Variants in TOP2B observed in about 807,000 individuals in gnomAD.
TOP2B encodes DNA topoisomerase II beta, also known as DNA topoisomerase 2-beta.
TOP2B carries 51 observed loss-of-function variants against 193.5 expected under a neutral mutation model. That is an observed-to-expected ratio of 0.26 (90% confidence interval 0.21 to 0.33). The LOEUF (loss-of-function observed/expected upper bound fraction) is 0.33, where lower values mean the gene tolerates loss of function less well. TOP2B is among the 10% of genes least tolerant of loss of function. TOP2B has a pLI of 1.00. For missense variants in TOP2B, 1,378 were observed against 1,909.3 expected (o/e 0.72, Z 5.19); for synonymous variants, 634 against 635.7 (o/e 1.00, Z 0.04).
rs754406807 is a variant in TOP2B, at chr3:25,615,226, C to T, written c.3570G>A (p.Ala1190=). The T allele has an allele frequency of 1.2e-5, 20 of 1,611,916 alleles. No individual in the cohort carries two copies. Among genetic ancestry groups the T allele is most frequent in the Admixed American group, 1.7e-5 (1 of 59,822 alleles). ...CTACATCCAGTTCTTCAACAAATGCCGCTAAATCCTCTTTCCAAAGATCTG... is the reference window on the plus strand; with the variant it reads ...CTACATCCAGTTCTTCAACAAATGCTGCTAAATCCTCTTTCCAAAGATCTG... The part of the protein sequence containing the change: ...SPSDLWKEDL[A]AFVEELDKVE... The change falls in exon 27 of 36, where the codon GCG becomes GCA. Residue 1190 remains alanine, a synonymous_variant. Coordinates refer to ENST00000264331, the MANE Select transcript of TOP2B (RefSeq NM_001330700.2).
chr3:25,625,780 C>T (rs1009301744), intron 18 of TOP2B, among the ~76,000 whole-genome samples: 5 of 152,202 alleles, frequency 3.3e-5, no homozygotes, highest in South Asian at 2.1e-4. Context: ...TCATACTGGA[C>T]CCAGAGTATG....
intron 1 of TOP2B, among the ~76,000 whole-genome samples, chr3:25,662,585 G>T (rs1703948773): frequency 6.6e-6 from 1 of 152,070 alleles, no homozygotes; most frequent in Non-Finnish European, 1.5e-5. Context: ...AGTTTCAAAT[G>T]GATTTTTCTA....
chr3:25,638,325 A>ATT lies in TOP2B; in HGVS notation c.396-16_396-15insAA, dbSNP rs1703163807. 8.6e-7 allele frequency: 1 copy of ATT among 1,160,628 alleles called. No individual in the cohort carries two copies. Among genetic ancestry groups the ATT allele is most frequent in the African/African-American group, 2.8e-5 (1 of 36,338 alleles). 71.9% of individuals were successfully genotyped at this position (1,160,628 alleles called of 1,614,324 possible). On this transcript the variant is annotated splice_polypyrimidine_tract_variant and intron_variant, in intron 4 of 35. Coordinates refer to ENST00000264331, the MANE Select transcript of TOP2B (RefSeq NM_001330700.2). ...TGTTAGATTCACTGTAAAAAAAAAA[A>ATT]AAAAAAAAAAAAAAAAAAAAAAAAA...
rs371050869 is a variant in TOP2B at position 25,618,481 on chromosome 3, T to G, written c.3288A>C (p.Gln1096His). ...ATTCATAACCTCTCTGGACTAACAT[T>G]TGAATCAAATCTTTCTTTGACCTAT... is the stretch of plus-strand genomic sequence containing the variant. ...IENRSKKDLI[Q>H]MLVQRGYESD... Residue 1096 changes from glutamine (Q) to histidine (H), a missense_variant, in exon 25 of 36, where the codon CAA becomes CAC. This residue lies in a region of TOP2B where 379 missense variants were observed against 615.1 expected (regional missense o/e 0.62). Coordinates refer to ENST00000264331, the MANE Select transcript of TOP2B (RefSeq NM_001330700.2). The G allele has an allele frequency of 5.0e-5, 80 of 1,612,696 alleles. No homozygotes were observed. Among genetic ancestry groups the G allele is most frequent in the Admixed American group, 6.7e-5 (4 of 59,902 alleles).
rs2125388031 is a variant in TOP2B, at chr3:25,638,303, T to C, written c.403A>G (p.Asn135Asp). 4.8e-6 allele frequency: 5 copies of C among 1,042,714 alleles called. No individual in the cohort carries two copies. The highest frequency in any genetic ancestry group is 5.9e-6 in the Non-Finnish European group (5 of 841,148). 64.6% of individuals were successfully genotyped at this position (1,042,714 alleles called of 1,614,324 possible). Residue 135 changes from asparagine (N) to aspartate (D), a missense_variant, in exon 5 of 36, where the codon AAC becomes GAC. Physicochemically the swap from Asn to Asp is conservative, Grantham distance 23. This residue lies in a region of TOP2B where 21 missense variants were observed against 19.6 expected (regional missense o/e 1.07). Coordinates refer to ENST00000264331, the MANE Select transcript of TOP2B (RefSeq NM_001330700.2). ...CCATTATTCCAAATGCTTATAATGT[T>C]AGATTCACTGTAAAAAAAAAAAAAA... ...CIKVSIDPES[N>D]IISIWNNGKG...
At chr3:25,659,656 T>C (rs570926744) in intron 1 of TOP2B, among the ~76,000 whole-genome samples, 3 of 152,350 alleles carry the variant, frequency 2.0e-5, no homozygotes, top group African/African-American at 7.2e-5. Context: ...CAGCCCATAC[T>C]CTTAGCATTA....
In TOP2B at chr3:25,645,425, T is replaced by C. The variant is rs1207146744; in HGVS notation, c.115A>G (p.Thr39Ala). Residue 39 changes from threonine (T) to alanine (A), a missense_variant, in exon 2 of 36, where the codon ACT becomes GCT. Thr to Ala is a moderately conservative substitution (Grantham distance 58). Coordinates refer to ENST00000264331, the MANE Select transcript of TOP2B (RefSeq NM_001330700.2). Reference protein sequence around the residue: ...NNAAKKEESETANKNDSSKKL... With the variant: ...NNAAKKEESEAANKNDSSKKL... ...TTTGAAGAATCATTTTTGTTGGCAG[T>C]TTCTGACTCTTCTTTTTTTGCAGCA... 1 of 1,613,668 alleles carries C rather than the reference T, an allele frequency of 6.2e-7. No homozygotes were observed. Among genetic ancestry groups the C allele is most frequent in the Non-Finnish European group, 8.5e-7 (1 of 1,179,772 alleles).
intron 33 of TOP2B, among the ~76,000 whole-genome samples, chr3:25,603,349 G>C (rs1437678421): frequency 2.0e-5 from 3 of 152,034 alleles, no homozygotes; most frequent in Admixed American, 2.0e-4. Context: ...AGCGATTCTT[G>C]TGCCTCAGCT....
rs556133962 is a variant in TOP2B at position 25,623,362 on chromosome 3, C to G, written c.2727+153G>C. Among the ~76,000 whole-genome samples, 3 of 152,306 alleles carry G rather than the reference C, an allele frequency of 2.0e-5. No homozygotes were observed. In the South Asian group the frequency reaches 6.2e-4, roughly 32 times the overall value. On this transcript the variant is annotated intron_variant, in intron 21 of 35. Transcript: ENST00000264331. ...CTCATTCCAAAGTTTATACTTTTTA[C>G]TGTAGGCACATATCAAATTATACCC...
intron 25 of TOP2B, chr3:25,618,182 G>T: frequency 2.1e-6 from 1 of 468,264 alleles, no homozygotes; most frequent in South Asian, 3.6e-5. Flanking sequence ...TCTCACACCT[G>T]GAGTCATTTC....
intron 4 of TOP2B, among the ~76,000 whole-genome samples, chr3:25,641,117 G>T (rs1198453788): frequency 6.6e-6 from 1 of 152,078 alleles, no homozygotes; most frequent in Non-Finnish European, 1.5e-5. Context: ...ATGATGGCAT[G>T]CTATACACTA....
At chr3:25,612,117 A>AT (rs1057029080) in intron 28 of TOP2B, among the ~76,000 whole-genome samples, 4 of 151,322 alleles carry the variant, frequency 2.6e-5, no homozygotes, top group African/African-American at 9.7e-5. Context: ...AATTTTTTGT[A>AT]TTTTTTAGTA....
chr3:25,661,176 T>C (rs995374261), intron 1 of TOP2B, among the ~76,000 whole-genome samples: 2 of 152,104 alleles, frequency 1.3e-5, no homozygotes, highest in Admixed American at 6.6e-5. Context: ...ATTTTGTATT[T>C]TTAGTAGAGA....
intron 1 of TOP2B, among the ~76,000 whole-genome samples, chr3:25,658,316 G>T (rs1355218297): frequency 6.6e-6 from 1 of 151,720 alleles, no homozygotes; most frequent in East Asian, 1.9e-4. Context: ...TTGAAAACTT[G>T]TTAAGTTTAT....
chr3:25,649,941 A>T (rs1703534512), intron 1 of TOP2B, among the ~76,000 whole-genome samples: 1 of 152,228 alleles, frequency 6.6e-6, no homozygotes, highest in African/African-American at 2.4e-5. Context: ...TTTATAAGTG[A>T]TGATATCAGC....
intron 23 of TOP2B, 102 bp downstream of exon 23, chr3:25,619,757 ATGC>A: frequency 1.4e-6 from 1 of 697,636 alleles, no homozygotes; most frequent in Non-Finnish European, 2.3e-6. Context: ...AAAAAAAAAA[ATGC>A]CTTCAGGCTT....
At chr3:25,612,373 T>C (rs548092529) in intron 28 of TOP2B, 142 bp downstream of exon 28, 1 of 557,028 alleles carries the variant, frequency 1.8e-6, no homozygotes, top group African/African-American at 1.9e-5. Context: ...GATCAACTGC[T>C]GTCATAGAAG....
chr3:25,640,824 C>G (rs538230763), intron 4 of TOP2B, among the ~76,000 whole-genome samples: 39 of 140,042 alleles, frequency 2.8e-4, no homozygotes, highest in African/African-American at 1.0e-3. Context: ...GTGGCACAAT[C>G]ATGGCTCACT....
rs761790571 is a variant in TOP2B, at chr3:25,645,306, C to T, written c.234G>A (p.Leu78=). Residue 78 remains leucine (L), a synonymous_variant, in exon 2 of 36, where the codon TTG becomes TTA. Coordinates refer to ENST00000264331, the MANE Select transcript of TOP2B (RefSeq NM_001330700.2). ...CAATTTTAGCAATAATTACCTGCGT[C>T]AATGGCTCCACTGACCCAATATATG... ...PDTYIGSVEP[L]TQFMWVYDED... The T allele has an allele frequency of 7.6e-6, 12 of 1,569,998 alleles. No homozygotes were observed. Among genetic ancestry groups the T allele is most frequent in the Non-Finnish European group, 1.0e-5 (12 of 1,156,676 alleles).
Sources: allele counts gnomAD v4.1 joint callset (sites outside exome capture counted in the v4.1 genomes callset), GRCh38; gene constraint gnomAD v4.1.1; regional missense constraint gnomAD v4.1.1; transcripts MANE v1.5; gene names NCBI Gene and HGNC (gene_info 2026-07-23, HGNC 2026-07-21).